FAM219A: variants seen among roughly 807,000 people sequenced by gnomAD.
The protein encoded by FAM219A is protein FAM219A.
In FAM219A, 7 loss-of-function variants were observed where a neutral mutation model predicts 23.4. That is an observed-to-expected ratio of 0.30 (90% CI 0.17 to 0.56). FAM219A has a LOEUF of 0.56. Among genes scored for constraint, FAM219A ranks in the 20% least tolerant of loss-of-function variants. FAM219A has a pLI of 0.92. For missense variants in FAM219A, 166 were observed against 246.9 expected, an observed-to-expected ratio of 0.67 and a Z score of 2.20; for synonymous variants, 93 against 99.0, an observed-to-expected ratio of 0.94 and a Z score of 0.36.
At chr9:34,421,009 T>TGTGTGAGAGAGA (rs1554677406) in intron 1 of FAM219A, among the ~76,000 whole-genome samples, 36 of 86,430 alleles carry the variant, frequency 4.2e-4, no homozygotes, top group Admixed American at 1.1e-3. Context: ...TGTGTGTGTG[T>TGTGTGAGAGAGA]GAGAGAGAGA....
In FAM219A at chr9:34,442,633, C is replaced by T. The variant is rs181514769; in HGVS notation, c.60+15571G>A. Among the ~76,000 whole-genome samples the T allele has an allele frequency of 6.7e-3, 1,011 of 150,922 alleles. 6 individuals carry two copies. Among genetic ancestry groups the T allele is most frequent in the African/African-American group, 0.022 (916 of 41,102 alleles). On this transcript the variant is annotated intron_variant, in intron 1 of 5. Coordinates refer to ENST00000651358, the MANE Select transcript of FAM219A (RefSeq NM_001184940.2). ...CTGGGAGGCAAAGGTTGTAGTAGGC[C>T]GAGATCACGCCACTGCACTCCAGCC...
At chr9:34,427,356 A>G (rs754961937) in intron 1 of FAM219A, among the ~76,000 whole-genome samples, 32 of 151,764 alleles carry the variant, frequency 2.1e-4, no homozygotes, top group Non-Finnish European at 3.4e-4. Context: ...ATACATACAT[A>G]TTTTTGTTGA....
At chr9:34,401,338 T>C (rs1321123667) in intron 5 of FAM219A, among the ~76,000 whole-genome samples, 2 of 152,210 alleles carry the variant, frequency 1.3e-5, no homozygotes, top group African/African-American at 2.4e-5. Context: ...CCCCATTCTA[T>C]GGTCAACTTC....
chr9:34,409,471 A>G (rs1180615804), intron 1 of FAM219A, among the ~76,000 whole-genome samples: 2 of 152,254 alleles, frequency 1.3e-5, no homozygotes, highest in African/African-American at 4.8e-5. Flanking sequence ...AGATCCGGGA[A>G]CTAGAGTGGA....
At chr9:34,412,146 G>A (rs1384475940) in intron 1 of FAM219A, among the ~76,000 whole-genome samples, 1 of 152,174 alleles carries the variant, frequency 6.6e-6, no homozygotes, top group Non-Finnish European at 1.5e-5. Context: ...CGATAGCCAT[G>A]TGCAAGACGC....
intron 1 of FAM219A, among the ~76,000 whole-genome samples, chr9:34,408,295 T>C (rs1164909835): frequency 1.3e-5 from 2 of 152,200 alleles, no homozygotes; most frequent in African/African-American, 4.8e-5. Context: ...AGCAAACCTC[T>C]AGTGGCCCTG....
chr9:34,416,269 G>A (rs796373525), intron 1 of FAM219A, among the ~76,000 whole-genome samples: 16 of 69,918 alleles, frequency 2.3e-4, no homozygotes, highest in African/African-American at 3.1e-4. Context: ...GGGGGAGGGA[G>A]GGAGGGAAGG....
chr9:34,450,245 G>C (rs191056283), intron 1 of FAM219A, among the ~76,000 whole-genome samples: 1 of 151,396 alleles, frequency 6.6e-6, no homozygotes, highest in Non-Finnish European at 1.5e-5. Flanking sequence ...CCTGGGAGGC[G>C]GAGTTTGCAG....
Position 34,457,879 on chromosome 9 carries a change from G to C in FAM219A, c.60+325C>G, listed in dbSNP as rs1823810473. On this transcript the variant is annotated intron_variant, in intron 1 of 5. Transcript: ENST00000651358. This position sits in a 1 kb window ranked among gnomAD's most constrained non-coding sequence, Gnocchi z 5.1. ...CCAGACCCCTGGGCCTGCCGCCGGC[G>C]GTGCCCCATGGCAGTTCCCTCGCCA... Among the ~76,000 whole-genome samples, 1 of 152,068 alleles carries C rather than the reference G, an allele frequency of 6.6e-6. No individual in the cohort carries two copies. Among genetic ancestry groups the C allele is most frequent in the Non-Finnish European group, 1.5e-5 (1 of 67,996 alleles).
chr9:34,422,696 C>A (rs1026125135), intron 1 of FAM219A, among the ~76,000 whole-genome samples: 1 of 152,074 alleles, frequency 6.6e-6, no homozygotes, highest in African/African-American at 2.4e-5. Context: ...GAGAGACTGG[C>A]AGGAAGCAAC....
chr9:34,422,196 C>T (rs909226138), intron 1 of FAM219A, among the ~76,000 whole-genome samples: 5 of 152,154 alleles, frequency 3.3e-5, no homozygotes, highest in African/African-American at 1.2e-4. Flanking sequence ...TGTAGTTCTT[C>T]CAAAACTCAT....
chr9:34,401,635 G>A (rs774262074), intron 5 of FAM219A, 31 bp downstream of exon 5: 4 of 1,598,984 alleles, frequency 2.5e-6, no homozygotes, highest in Non-Finnish European at 3.4e-6. Context: ...CTGCCCGGTG[G>A]TGTCTAGGGT....
chr9:34,411,114 A>G (rs72733176), intron 1 of FAM219A, among the ~76,000 whole-genome samples: 21,940 of 152,108 alleles, frequency 0.14, 1,783 homozygotes, highest in Non-Finnish European at 0.18. Flanking sequence ...CTTATATATG[A>G]AGGTATCTGT....
At chr9:34,408,670 G>C (rs1188015104) in intron 1 of FAM219A, among the ~76,000 whole-genome samples, 1 of 152,054 alleles carries the variant, frequency 6.6e-6, no homozygotes, top group South Asian at 2.1e-4. Flanking sequence ...TCCTGCCCTT[G>C]GCCCTCCTCT....
chr9:34,416,228 A>AAAGAAAGAAAGAAAGAAAGAAAGAAAGG (rs1564003249), intron 1 of FAM219A, among the ~76,000 whole-genome samples: 2 of 135,886 alleles, frequency 1.5e-5, no homozygotes, highest in Non-Finnish European at 3.1e-5. Context: ...AGAAAGAAAG[A>AAAGAAAGAAAGAAAGAAAGAAAGAAAGG]AAGAAAGAAA....
chr9:34,405,498 A>G (rs1056143926), intron 2 of FAM219A, among the ~76,000 whole-genome samples: 3 of 152,166 alleles, frequency 2.0e-5, no homozygotes, highest in Admixed American at 1.3e-4. Flanking sequence ...TTTCCTTTCT[A>G]TCCCTTAGAC....
At chr9:34,429,169 C>T (rs928834802) in intron 1 of FAM219A, among the ~76,000 whole-genome samples, 3 of 152,206 alleles carry the variant, frequency 2.0e-5, no homozygotes, top group Non-Finnish European at 2.9e-5. Context: ...AGGGAGCCTG[C>T]AGCTGTTCTC....
chr9:34,411,223 A>G (rs567135516), intron 1 of FAM219A, among the ~76,000 whole-genome samples: 2 of 152,240 alleles, frequency 1.3e-5, no homozygotes, highest in Admixed American at 1.3e-4. Context: ...TCTTTCATTT[A>G]TTTAATGATG....
In FAM219A at chr9:34,412,608, A is replaced by G. The variant is rs561003855; in HGVS notation, c.61-6644T>C. On this transcript the variant is annotated intron_variant, in intron 1 of 5. Coordinates refer to ENST00000651358, the MANE Select transcript of FAM219A (RefSeq NM_001184940.2). The stretch of plus-strand genomic sequence containing the variant: ...CTCTCAGAATGAGCGGAGTGAAAAA[A>G]AAAAAAACCAAGGGTGAAGTTCTGG... Among the ~76,000 whole-genome samples the G allele has an allele frequency of 1.1e-3, 168 of 151,900 alleles. 6 individuals carry two copies. In the South Asian group the frequency reaches 0.016, roughly 15 times the overall value.
Sources: gnomAD v4.1 joint callset for allele counts (sites outside exome capture counted in the v4.1 genomes callset) on GRCh38, gnomAD v4.1.1 for gene constraint, Gnocchi (gnomAD v3.1) non-coding constraint, MANE v1.5 for transcripts, NCBI Gene and HGNC (gene_info 2026-07-23, HGNC 2026-07-21) for gene names.